Variants in SORCS2 observed in about 807,000 individuals in gnomAD.
SORCS2 encodes sortilin related VPS10 domain containing receptor 2.
In SORCS2, 100 loss-of-function variants were observed where a neutral mutation model predicts 141.6. The ratio of observed to expected loss-of-function variants is 0.71; its 90% confidence interval spans 0.60 to 0.83. The LOEUF is 0.83. Among genes scored for constraint, SORCS2 ranks in the 40% least tolerant of loss-of-function variants. The pLI is 0.00. For synonymous variants in SORCS2, 789 were observed against 676.9 expected (o/e 1.17, Z -2.57); for missense variants, 1,646 against 1,560.2 (o/e 1.05, Z -0.93).
intron 2 of SORCS2, among the ~76,000 whole-genome samples, chr4:7,493,098 A>G (rs1417325184): frequency 1.3e-5 from 2 of 152,222 alleles, no homozygotes; most frequent in African/African-American, 4.8e-5. Context: ...TGAGGTCACC[A>G]TGCCCATCCA....
At chr4:7,198,503 T>G (rs557652794) in intron 1 of SORCS2, among the ~76,000 whole-genome samples, 1 of 152,062 alleles carries the variant, frequency 6.6e-6, no homozygotes, top group South Asian at 2.1e-4. Context: ...GCATTTGGGG[T>G]GGAGGCTGGA....
At chr4:7,320,723 C>T (rs1015889821) in intron 1 of SORCS2, among the ~76,000 whole-genome samples, 3 of 152,114 alleles carry the variant, frequency 2.0e-5, no homozygotes, top group Non-Finnish European at 2.9e-5. Flanking sequence ...TCTCAGTTGT[C>T]CATGGAAGGC....
chr4:7,293,065 A>G (rs945666469), intron 1 of SORCS2, among the ~76,000 whole-genome samples: 6 of 152,146 alleles, frequency 3.9e-5, no homozygotes, highest in Non-Finnish European at 5.9e-5. Flanking sequence ...GCACTTTGGG[A>G]GGCCCGAGGC....
chr4:7,655,655 G>A (rs1721721156), intron 5 of SORCS2, among the ~76,000 whole-genome samples: 1 of 152,250 alleles, frequency 6.6e-6, no homozygotes, highest in African/African-American at 2.4e-5. Flanking sequence ...GGAGGGCCCG[G>A]TTCCTCCCTC....
At chr4:7,645,469 G>T (rs772076141) in intron 4 of SORCS2, among the ~76,000 whole-genome samples, 2 of 152,054 alleles carry the variant, frequency 1.3e-5, no homozygotes, top group Non-Finnish European at 2.9e-5. Flanking sequence ...GTATATGCAT[G>T]TATGTGTGTA....
intron 3 of SORCS2, among the ~76,000 whole-genome samples, chr4:7,613,650 A>G (rs16840670): frequency 0.39 from 59,225 of 152,010 alleles, 11,969 homozygotes; most frequent in Middle Eastern, 0.44. Flanking sequence ...GATATCTCCC[A>G]CACTGGACAA....
At chr4:7,715,116 C>T in intron 16 of SORCS2, 67 bp from the exon 17 acceptor site, 1 of 1,593,344 alleles carries the variant, frequency 6.3e-7, no homozygotes, top group Non-Finnish European at 8.6e-7. Context: ...CAGATTTCAC[C>T]CCAACCCTGG....
intron 4 of SORCS2, among the ~76,000 whole-genome samples, chr4:7,644,610 A>G (rs1720953300): frequency 6.6e-6 from 1 of 152,206 alleles, no homozygotes; most frequent in African/African-American, 2.4e-5. Context: ...GTTGAGTGCC[A>G]CCAATCACAT....
At chr4:7,468,214 C>T (rs1245104443) in intron 2 of SORCS2, among the ~76,000 whole-genome samples, 2 of 152,172 alleles carry the variant, frequency 1.3e-5, no homozygotes, top group African/African-American at 2.4e-5. Context: ...GTGAATAGCC[C>T]CAGGTCTAAG....
intron 3 of SORCS2, among the ~76,000 whole-genome samples, chr4:7,559,245 G>A (rs976217668): frequency 1.3e-5 from 2 of 152,096 alleles, no homozygotes; most frequent in African/African-American, 4.8e-5. Flanking sequence ...GGCTTCCATG[G>A]CTTTTTGTTT....
chr4:7,459,424 C>T (rs962879888), intron 2 of SORCS2, among the ~76,000 whole-genome samples: 1 of 152,280 alleles, frequency 6.6e-6, no homozygotes, highest in Admixed American at 6.5e-5. Flanking sequence ...GTTTGAGCCC[C>T]TGTCTGGCTC....
intron 3 of SORCS2, among the ~76,000 whole-genome samples, chr4:7,602,520 C>T (rs1266198827): frequency 8.0e-5 from 12 of 149,762 alleles, no homozygotes; most frequent in Non-Finnish European, 1.8e-4. Flanking sequence ...AGACGATGGG[C>T]GGCCGGGCAG....
chr4:7,511,906 C>G (rs1475801786), intron 2 of SORCS2, among the ~76,000 whole-genome samples: 4 of 152,186 alleles, frequency 2.6e-5, no homozygotes, highest in Non-Finnish European at 4.4e-5. Context: ...ACTGACATTA[C>G]CCAGGGCCCA....
rs150994195 is a variant in SORCS2, at chr4:7,278,583, G to A, written c.480+85457G>A. 3.7e-3 allele frequency among the ~76,000 whole-genome samples: 562 copies of A among 152,332 alleles called. 9 individuals carry two copies. Among genetic ancestry groups the A allele is most frequent in the South Asian group, 0.036 (172 of 4,828 alleles). On this transcript the variant is annotated intron_variant, in intron 1 of 26. Coordinates refer to ENST00000507866, the MANE Select transcript of SORCS2 (RefSeq NM_020777.3). ...GCTCTGCAGTGGTAGCGTGCCCAGT[G>A]TACATCTGTTTCATAGACCCAGGGA...
At chr4:7,636,297 C>G (rs558232833) in intron 3 of SORCS2, among the ~76,000 whole-genome samples, 36 of 152,368 alleles carry the variant, frequency 2.4e-4, no homozygotes, top group Non-Finnish European at 4.0e-4. Context: ...CACAACTGCT[C>G]TCCTGCCTCA....
At chr4:7,356,859 C>G (rs1031738997) in intron 1 of SORCS2, among the ~76,000 whole-genome samples, 1 of 152,240 alleles carries the variant, frequency 6.6e-6, no homozygotes, top group Non-Finnish European at 1.5e-5. Flanking sequence ...GGAGAGGGCT[C>G]CGGGCCTGGC....
chr4:7,420,469 A>T lies in SORCS2; in HGVS notation c.548+24114A>T, dbSNP rs34442888. ...CAGAGAGTGTCCAGGGCTCAGGTCCAGTTGGCACAGCAGCCAGTGGACATG... is the reference window on the plus strand; with the variant it reads ...CAGAGAGTGTCCAGGGCTCAGGTCCTGTTGGCACAGCAGCCAGTGGACATG... On this transcript the variant is annotated intron_variant, in intron 2 of 26. Coordinates refer to ENST00000507866, the MANE Select transcript of SORCS2 (RefSeq NM_020777.3). Among the ~76,000 whole-genome samples the T allele has an allele frequency of 2.7e-3, 411 of 152,192 alleles. 1 individual carries two copies. Among genetic ancestry groups the T allele is most frequent in the Admixed American group, 4.2e-3 (64 of 15,300 alleles).
intron 1 of SORCS2, among the ~76,000 whole-genome samples, chr4:7,208,742 C>T (rs982649680): frequency 1.3e-5 from 2 of 152,224 alleles, no homozygotes; most frequent in Admixed American, 6.5e-5. Flanking sequence ...TCCTGCTCAC[C>T]AGGCACCCCT....
rs115154802 is a variant in SORCS2, at chr4:7,587,390, T to C, written c.649-50938T>C. Among the ~76,000 whole-genome samples, 1,042 of 152,298 alleles carry C rather than the reference T, an allele frequency of 6.8e-3. 15 individuals are homozygous for C. Among genetic ancestry groups the C allele is most frequent in the African/African-American group, 0.024 (1,000 of 41,576 alleles). ...CTACGTGGCCATGTTGGCGTTTTCA[T>C]TGACCCTCACACACCTGCCACCCCT... On this transcript the variant is annotated intron_variant, in intron 3 of 26. Transcript: ENST00000507866.
Sources: allele counts gnomAD v4.1 joint callset (sites outside exome capture counted in the v4.1 genomes callset), GRCh38; gene constraint gnomAD v4.1.1; transcripts MANE v1.5; gene names NCBI Gene and HGNC (gene_info 2026-07-23, HGNC 2026-07-21).